The following NUMBL variants were observed in gnomAD, a reference collection of about 807,000 sequenced individuals.
The protein encoded by NUMBL is NUMB like endocytic adaptor protein.
NUMBL carries 20 observed loss-of-function variants against 48.9 expected under a neutral mutation model. The ratio of observed to expected loss-of-function variants is 0.41; its 90% CI spans 0.29 to 0.59. The LOEUF (loss-of-function observed/expected upper bound fraction) is 0.59, where lower values mean the gene tolerates loss of function less well. NUMBL is among the 20% of genes least tolerant of loss of function. The pLI is 0.31. For missense variants in NUMBL, 660 were observed against 846.2 expected (o/e 0.78, Z 2.73); for synonymous variants, 340 against 348.7 (o/e 0.98, Z 0.28).
chr19:40,668,178 G>A (rs777577179), intron 9 of NUMBL, 40 bp from the exon 10 acceptor site: 6 of 1,537,054 alleles, frequency 3.9e-6, no homozygotes, highest in Non-Finnish European at 5.3e-6. Flanking sequence ...GGGGGCAACG[G>A]CTTCAGCAGA....
rs1453679679 is a variant in NUMBL, at chr19:40,666,150, T to TG, written c.*1317_*1318insC. ...GCTAATTAGAAGTAGTTTTTTTTTTTTTGTTTTTTTTTTTTGAGACAGAGT... is the reference window on the plus strand; with the variant it reads ...GCTAATTAGAAGTAGTTTTTTTTTTTGTTGTTTTTTTTTTTTGAGACAGAGT... On this transcript the variant is annotated 3_prime_UTR_variant, in exon 10 of 10. Transcript: ENST00000252891. 1 of 81,446 alleles carries TG rather than the reference T, an allele frequency of 1.2e-5. No homozygotes were observed. The highest frequency in any genetic ancestry group is 6.5e-5 in the African/African-American group (1 of 15,304). The allele number at this position is 81,446 out of a possible 1,614,324, so 5.0% of individuals were successfully genotyped here. A position where few individuals can be genotyped will look rare whatever the true frequency, so the allele number is the denominator to read the frequency against.
intron 8 of NUMBL, among the ~76,000 whole-genome samples, chr19:40,672,182 A>C (rs1441733781): frequency 6.6e-6 from 1 of 152,186 alleles, no homozygotes; most frequent in East Asian, 1.9e-4. Flanking sequence ...ACTTGGCTAG[A>C]CATCACTTTT....
chr19:40,686,456 C>A (rs991167990), intron 2 of NUMBL, among the ~76,000 whole-genome samples: 1 of 152,176 alleles, frequency 6.6e-6, no homozygotes, highest in Non-Finnish European at 1.5e-5. Context: ...AGCCACCACG[C>A]CCGGCCAAGA....
chr19:40,684,888 T>G, intron 2 of NUMBL: 9 of 286,044 alleles, frequency 3.1e-5, no homozygotes, highest in Non-Finnish European at 4.7e-5. Context: ...TGCTTCCTCA[T>G]TCCCAGGGCC....
intron 5 of NUMBL, among the ~76,000 whole-genome samples, chr19:40,681,681 A>T (rs10403732): frequency 0.49 from 74,101 of 151,236 alleles, 18,599 homozygotes; most frequent in African/African-American, 0.6. Context: ...ATATATATAT[A>T]TTTTTTTCCC....
chr19:40,678,753 T>C (rs926731110), intron 6 of NUMBL, among the ~76,000 whole-genome samples: 4 of 152,168 alleles, frequency 2.6e-5, no homozygotes, highest in Non-Finnish European at 5.9e-5. Context: ...CGAATTCTAC[T>C]TAATGGTGTG....
rs762179005 is a variant in NUMBL, at chr19:40,687,011, A to G, written c.25-16T>C. 6.8e-6 allele frequency: 10 copies of G among 1,470,108 alleles called. No individual in the cohort carries two copies. In the African/African-American group the frequency reaches 1.4e-4, roughly 21 times the overall value. 91.1% of individuals were successfully genotyped at this position (1,470,108 alleles called of 1,614,324 possible). On this transcript the variant is annotated splice_polypyrimidine_tract_variant and intron_variant, in intron 1 of 9. Coordinates refer to ENST00000252891, the MANE Select transcript of NUMBL (RefSeq NM_004756.5). The surrounding 1 kb of genome is among the most constrained non-coding windows in gnomAD (Gnocchi z 4.6). ...GGGGTCCGCCCTGCCCGAGTAGGGGAGGAGAAGGTGAGAAGTTTGTCTGGG... is the reference window on the plus strand; with the variant it reads ...GGGGTCCGCCCTGCCCGAGTAGGGGGGGAGAAGGTGAGAAGTTTGTCTGGG...
Position 40,677,426 on chromosome 19 carries a change from G to A in NUMBL, c.541-5C>T. 6.2e-7 allele frequency: 1 copy of A among 1,606,222 alleles called. No homozygotes were observed. On this transcript the variant is annotated splice_region_variant and splice_polypyrimidine_tract_variant and intron_variant, in intron 6 of 9. Coordinates refer to ENST00000252891, the MANE Select transcript of NUMBL (RefSeq NM_004756.5). Reference sequence around the variant, plus strand: ...AGCGTGGCTCAGCCTCTCGCCCTATGGGGAGAGGATGGGCGGGGGGGTTAG... The same window carrying A: ...AGCGTGGCTCAGCCTCTCGCCCTATAGGGAGAGGATGGGCGGGGGGGTTAG...
chr19:40,684,322 T>C, intron 3 of NUMBL, 95 bp downstream of exon 3: 2 of 1,368,758 alleles, frequency 1.5e-6, no homozygotes, highest in South Asian at 2.7e-5. Context: ...TTCAAACGAC[T>C]TGGGCTGGTG....
rs2081816763 is a variant in NUMBL at position 40,667,506 on chromosome 19, A to G, written c.1792T>C (p.Ser598Pro). ...ATVEKPSNPFSGDLQKTFEIE... is the reference protein window; with the variant it reads ...ATVEKPSNPFPGDLQKTFEIE... ...TCGAATGTCTTTTGCAGGTCGCCAG[A>G]AAAGGGGTTGGAGGGTTTCTCTACA... The change falls in exon 10 of 10, where the codon TCT becomes CCT. Residue 598 changes from serine (S) to proline (P), a missense_variant. Ser to Pro is a moderately conservative substitution (Grantham distance 74). Coordinates refer to ENST00000252891, the MANE Select transcript of NUMBL (RefSeq NM_004756.5). This position sits in a 1 kb window ranked among gnomAD's most constrained non-coding sequence, Gnocchi z 6.1. 1.3e-6 allele frequency: 2 copies of G among 1,595,418 alleles called. No individual in the cohort carries two copies. The highest frequency in any genetic ancestry group is 1.7e-6 in the Non-Finnish European group (2 of 1,170,930).
At chr19:40,676,298 C>G (rs2081875664) in intron 7 of NUMBL, among the ~76,000 whole-genome samples, 1 of 152,112 alleles carries the variant, frequency 6.6e-6, no homozygotes, top group African/African-American at 2.4e-5. Flanking sequence ...GAGGCTGAGG[C>G]AGGAGGATTA....
Position 40,673,421 on chromosome 19 carries a change from T to C in NUMBL, c.959A>G (p.Lys320Arg), listed in dbSNP as rs1245992776. The C allele has an allele frequency of 6.2e-7, 1 of 1,613,438 alleles. No individual in the cohort carries two copies. Among genetic ancestry groups the C allele is most frequent in the Non-Finnish European group, 8.5e-7 (1 of 1,179,730 alleles). Residue 320 changes from lysine to arginine, a missense_variant, in exon 8 of 10, where the codon AAA (lysine) becomes AGA (arginine). Coordinates refer to ENST00000252891, the MANE Select transcript of NUMBL (RefSeq NM_004756.5). This position sits in a 1 kb window ranked among gnomAD's most constrained non-coding sequence, Gnocchi z 5.9. ...ATTCAGCCGTAGGCTCAGCTGCCGT[T>C]TGAAAGGCGAGTTCTTCTGGCTGAG... The part of the protein sequence containing the change: ...PALSQKNSPF[K>R]RQLSLRLNEL...
chr19:40,682,816 A>G lies in NUMBL; in HGVS notation c.325-14T>C, dbSNP rs2081911820. 2.5e-6 allele frequency: 4 copies of G among 1,614,158 alleles called. No individual in the cohort carries two copies. Among genetic ancestry groups the G allele is most frequent in the Non-Finnish European group, 3.4e-6 (4 of 1,180,032 alleles). On this transcript the variant is annotated splice_polypyrimidine_tract_variant and intron_variant, in intron 4 of 9. Transcript: ENST00000252891. The surrounding 1 kb of genome is among the most constrained non-coding windows in gnomAD (Gnocchi z 4.0). ...CTTTCGGCCCATCTGGAGGGAGGCA[A>G]GGGGACAAAGGAGCCGGGTCAGGGT...
At chr19:40,681,185 C>G (rs1237124467) in intron 5 of NUMBL, 128 bp from the exon 6 acceptor site, 1 of 983,550 alleles carries the variant, frequency 1.0e-6, no homozygotes, top group Non-Finnish European at 1.5e-6. Context: ...CTGAGACACC[C>G]TGTGCCTTGC....
chr19:40,679,872 A>C (rs1019916045), intron 6 of NUMBL, among the ~76,000 whole-genome samples: 5 of 152,160 alleles, frequency 3.3e-5, no homozygotes, highest in Non-Finnish European at 7.4e-5. Flanking sequence ...AGCGGTGATG[A>C]AAATGTTTCA....
At chr19:40,668,915 G>C (rs904630718) in intron 9 of NUMBL, among the ~76,000 whole-genome samples, 1 of 152,300 alleles carries the variant, frequency 6.6e-6, no homozygotes, top group Admixed American at 6.5e-5. Flanking sequence ...GGCTTTCTAA[G>C]ATTCTCGAGT....
intron 1 of NUMBL, among the ~76,000 whole-genome samples, chr19:40,689,877 C>T (rs1373166018): frequency 6.6e-6 from 1 of 151,624 alleles, no homozygotes; most frequent in Non-Finnish European, 1.5e-5. Context: ...GGCACAGGGA[C>T]CTTGTTTTGA....
At chr19:40,674,108 G>A (rs2081862668) in intron 7 of NUMBL, among the ~76,000 whole-genome samples, 1 of 152,218 alleles carries the variant, frequency 6.6e-6, no homozygotes, top group Admixed American at 6.5e-5. Context: ...CCCAGCAAAG[G>A]CCCAGTGTGA....
chr19:40,671,709 G>A (rs558133194), intron 8 of NUMBL, among the ~76,000 whole-genome samples: 32 of 152,282 alleles, frequency 2.1e-4, no homozygotes, highest in Non-Finnish European at 3.1e-4. Flanking sequence ...ATCAATCCCC[G>A]AGGACATAAC....
Sources: allele counts gnomAD v4.1 joint callset (sites outside exome capture counted in the v4.1 genomes callset), GRCh38; gene constraint gnomAD v4.1.1; non-coding constraint Gnocchi (gnomAD v3.1); transcripts MANE v1.5; gene names NCBI Gene and HGNC (gene_info 2026-07-23, HGNC 2026-07-21).